The following ZNFX1 variants were observed in gnomAD, a reference collection of about 807,000 sequenced individuals.
ZNFX1 encodes the protein zinc finger NFX1-type containing 1.
ZNFX1 carries 78 observed loss-of-function variants against 179.8 expected under a neutral mutation model. The observed-to-expected ratio is 0.43, with a 90% confidence interval of 0.36 to 0.52. The LOEUF (loss-of-function observed/expected upper bound fraction) is 0.52. Ranked by LOEUF, ZNFX1 falls within the 20% of genes least tolerant of loss-of-function variation. The pLI, the probability that ZNFX1 is intolerant of heterozygous loss-of-function variation, is 0.00. For missense variants in ZNFX1, 1,927 were observed against 2,386.6 expected (o/e 0.81, Z 4.01); for synonymous variants, 848 against 868.5 (o/e 0.98, Z 0.42).
chr20:49,270,950 C>T lies in ZNFX1; in HGVS notation c.862G>A (p.Glu288Lys). The T allele has an allele frequency of 6.2e-7, 1 of 1,614,116 alleles. No homozygotes were observed. Among genetic ancestry groups the T allele is most frequent in the Non-Finnish European group, 8.5e-7 (1 of 1,180,018 alleles). The change falls in exon 3 of 14, where the codon GAA becomes AAA. Residue 288 changes from glutamate (E) to lysine (K), a missense_variant. Coordinates refer to ENST00000396105, the MANE Select transcript of ZNFX1 (RefSeq NM_021035.3). This position sits in a 1 kb window ranked among gnomAD's most constrained non-coding sequence, Gnocchi z 4.6. ...NALRASGVDI[E>K]EETEKNLEKV... ...TCCAGGTTCTTCTCCGTTTCCTCTTCTATGTCAACACCAGAGGCTCTCAGA... is the reference window on the plus strand; with the variant it reads ...TCCAGGTTCTTCTCCGTTTCCTCTTTTATGTCAACACCAGAGGCTCTCAGA...
intron 2 of ZNFX1, among the ~76,000 whole-genome samples, chr20:49,273,802 C>T (rs941624282): frequency 2.0e-5 from 3 of 152,074 alleles, no homozygotes; most frequent in South Asian, 2.1e-4. Flanking sequence ...TGATGGTGCA[C>T]GCTTGTGGTC....
In ZNFX1 at chr20:49,270,071, T is replaced by G. The variant is rs757975850; in HGVS notation, c.1741A>C (p.Arg581=). The G allele has an allele frequency of 6.2e-7, 1 of 1,614,244 alleles. No homozygotes were observed. Among genetic ancestry groups the G allele is most frequent in the East Asian group, 2.2e-5 (1 of 44,890 alleles). ...LRNVEGLRHP[R]INVLDPGQWP... is the part of the protein sequence containing the mutation. ...TGGCCAGGATCTAAGACATTAATTC[T>G]GGGATGTCTCAAACCCTCGACATTT... is the stretch of plus-strand genomic sequence containing the variant. The change falls in exon 3 of 14, where the codon AGA becomes CGA. Residue 581 remains arginine (R), a synonymous_variant. Transcript: ENST00000396105. The surrounding 1 kb of genome is among the most constrained non-coding windows in gnomAD (Gnocchi z 4.6).
rs1980789012 is a variant in ZNFX1 at position 49,249,675 on chromosome 20, A to G, written c.3349T>C (p.Phe1117Leu). Residue 1117 changes from phenylalanine to leucine, a missense_variant, in exon 14 of 14, where the codon TTT becomes CTT. Phe to Leu is a conservative substitution (Grantham distance 22). Coordinates refer to ENST00000396105, the MANE Select transcript of ZNFX1 (RefSeq NM_021035.3). Reference protein sequence around the residue: ...SSNLFFVEHNFPEQEIQEGKS... With the variant: ...SSNLFFVEHNLPEQEIQEGKS... ...CCCTCTTGGATTTCCTGTTCAGGAA[A>G]GTTGTGTTCTACAAAGAAAAGGTTG... is the stretch of plus-strand genomic sequence containing the variant. 1 of 1,613,596 alleles carries G rather than the reference A, an allele frequency of 6.2e-7. No individual in the cohort carries two copies. Among genetic ancestry groups the G allele is most frequent in the Non-Finnish European group, 8.5e-7 (1 of 1,179,650 alleles).
intron 6 of ZNFX1, among the ~76,000 whole-genome samples, chr20:49,260,914 T>C (rs900508039): frequency 6.6e-6 from 1 of 152,042 alleles, no homozygotes; most frequent in Non-Finnish European, 1.5e-5. Flanking sequence ...AACCCTGTCT[T>C]TATTAAAACT....
intron 3 of ZNFX1, among the ~76,000 whole-genome samples, chr20:49,268,500 C>T (rs1170494010): frequency 6.6e-6 from 1 of 152,034 alleles, no homozygotes; most frequent in African/African-American, 2.4e-5. Context: ...TCTATTGCAA[C>T]AAAACCAAAA....
At chr20:49,266,043 C>G (rs1981225473) in intron 4 of ZNFX1, 92 bp downstream of exon 4, 2 of 1,453,784 alleles carry the variant, frequency 1.4e-6, no homozygotes, top group Non-Finnish European at 1.9e-6. Context: ...GGACTGTTGA[C>G]TTTGTTTGAA....
chr20:49,269,144 G>A (rs1364900080), intron 3 of ZNFX1, among the ~76,000 whole-genome samples: 1 of 152,142 alleles, frequency 6.6e-6, no homozygotes, highest in Non-Finnish European at 1.5e-5. Context: ...AAGAAAATGT[G>A]GCATATATAC....
chr20:49,259,597 C>T (rs1368714747), intron 7 of ZNFX1, among the ~76,000 whole-genome samples: 1 of 146,806 alleles, frequency 6.8e-6, no homozygotes, highest in Non-Finnish European at 1.5e-5. Flanking sequence ...AAACTTTTTC[C>T]TTTTTTTTTT....
In ZNFX1 at chr20:49,247,079, G is replaced by A; in HGVS notation, c.*188C>T. 1 of 682,448 alleles carries A rather than the reference G, an allele frequency of 1.5e-6. No homozygotes were observed. The highest frequency in any genetic ancestry group is 2.4e-6 in the Non-Finnish European group (1 of 417,262). The allele number at this position is 682,448 out of a possible 1,614,324, so 42.3% of individuals were successfully genotyped here. ...AGACGGGGTTTCGCCATGTTGGTCA[G>A]GCTGGTCTCGAACTCCTGACCTCGT... On this transcript the variant is annotated 3_prime_UTR_variant, in exon 14 of 14. Coordinates refer to ENST00000396105, the MANE Select transcript of ZNFX1 (RefSeq NM_021035.3).
intron 7 of ZNFX1, among the ~76,000 whole-genome samples, 198 bp downstream of exon 7, chr20:49,260,265 G>A (rs1981080970): frequency 6.7e-6 from 1 of 148,430 alleles, no homozygotes; most frequent in African/African-American, 2.5e-5. Flanking sequence ...CTCCAGCCTG[G>A]GCAACAAGAG....
chr20:49,274,452 T>C (rs776159058), intron 2 of ZNFX1, among the ~76,000 whole-genome samples: 1 of 152,232 alleles, frequency 6.6e-6, no homozygotes, highest in Non-Finnish European at 1.5e-5. Flanking sequence ...TAAATTGTCA[T>C]CAAATTGAAA....
chr20:49,253,985 G>C (rs1568982522), intron 10 of ZNFX1, among the ~76,000 whole-genome samples, 174 bp from the exon 11 acceptor site: 1 of 151,872 alleles, frequency 6.6e-6, no homozygotes, highest in South Asian at 2.1e-4. Context: ...GGTCACTGTT[G>C]GAGTTTCAAA....
chr20:49,271,132 C>A lies in ZNFX1; in HGVS notation c.680G>T (p.Gly227Val), dbSNP rs764457529. The change falls in exon 3 of 14, where the codon GGG becomes GTG. Residue 227 changes from glycine (G) to valine (V), a missense_variant. By Grantham distance (109) the Gly-to-Val change is moderately radical. Transcript: ENST00000396105. ...GTCAGGGATGGGTTCAGTGATCATCCCTACCACATAAGCAGGCAGGCAGAC... is the reference window on the plus strand; with the variant it reads ...GTCAGGGATGGGTTCAGTGATCATCACTACCACATAAGCAGGCAGGCAGAC... ...LKVCLPAYVV[G>V]MITEPIPDIR... The A allele has an allele frequency of 6.2e-7, 1 of 1,614,076 alleles. No individual in the cohort carries two copies. The highest frequency in any genetic ancestry group is 1.7e-5 in the Admixed American group (1 of 60,000).
chr20:49,266,516 A>G (rs1282574835), intron 3 of ZNFX1, among the ~76,000 whole-genome samples: 2 of 152,166 alleles, frequency 1.3e-5, no homozygotes, highest in East Asian at 3.8e-4. Context: ...TACAAACAAT[A>G]CAAATGTGTA....
At chr20:49,263,276 G>C (rs1036237690) in intron 6 of ZNFX1, 58 bp downstream of exon 6, 1 of 1,579,742 alleles carries the variant, frequency 6.3e-7, no homozygotes, top group Non-Finnish European at 8.6e-7. Flanking sequence ...TTCTCCTGGA[G>C]GCTACCTCAA....
In ZNFX1 at chr20:49,248,947, T is replaced by C; in HGVS notation, c.4077A>G (p.Gln1359=). ...PKTIPRCGHE[Q]MVPCSVPESD... ...ACTCAGGCACGGAACAAGGGACCAT[T>C]TGTTCATGGCCGCACCGAGGAATGG... Residue 1359 remains glutamine (Q), a synonymous_variant, in exon 14 of 14, where the codon CAA becomes CAG. Coordinates refer to ENST00000396105, the MANE Select transcript of ZNFX1 (RefSeq NM_021035.3). The surrounding 1 kb of genome is among the most constrained non-coding windows in gnomAD (Gnocchi z 4.6). 6.2e-7 allele frequency: 1 copy of C among 1,614,188 alleles called. No homozygotes were observed. The highest frequency in any genetic ancestry group is 1.3e-5 in the African/African-American group (1 of 75,050).
rs756288648 is a variant in ZNFX1 at position 49,249,759 on chromosome 20, T to G, written c.3313-48A>C. On this transcript the variant is annotated intron_variant, in intron 13 of 13. Coordinates refer to ENST00000396105, the MANE Select transcript of ZNFX1 (RefSeq NM_021035.3). ...TGTTAAAAGGTTCACTCATGGCACT[T>G]GTTTTTTTCTTCCTCTCTTGACATG... 6.4e-6 allele frequency: 10 copies of G among 1,556,274 alleles called. No homozygotes were observed. In the Admixed American group the frequency reaches 1.9e-4, roughly 30 times the overall value.
intron 11 of ZNFX1, 103 bp from the exon 12 acceptor site, chr20:49,252,933 C>G: frequency 1.2e-6 from 1 of 869,174 alleles, no homozygotes. Flanking sequence ...CAAGTGTTGA[C>G]TATGTGCCAG....
chr20:49,248,557 G>C lies in ZNFX1; in HGVS notation c.4467C>G (p.Thr1489=). 2 of 1,614,220 alleles carry C rather than the reference G, an allele frequency of 1.2e-6. No individual in the cohort carries two copies. The highest frequency in any genetic ancestry group is 1.7e-6 in the Non-Finnish European group (2 of 1,180,050). ...GGCTGTGGACACAGCGGTTCTGACAGGTCCGCTGGCAGGGTGGGCACTCAC... is the reference window on the plus strand; with the variant it reads ...GGCTGTGGACACAGCGGTTCTGACACGTCCGCTGGCAGGGTGGGCACTCAC... ...CIGECPPCQR[T]CQNRCVHSQC... Residue 1489 remains threonine (T), a synonymous_variant, in exon 14 of 14, where the codon ACC becomes ACG. Transcript: ENST00000396105. This position sits in a 1 kb window ranked among gnomAD's most constrained non-coding sequence, Gnocchi z 4.6.
Sources: allele counts gnomAD v4.1 joint callset (sites outside exome capture counted in the v4.1 genomes callset), GRCh38; gene constraint gnomAD v4.1.1; non-coding constraint Gnocchi (gnomAD v3.1); transcripts MANE v1.5; gene names NCBI Gene and HGNC (gene_info 2026-07-23, HGNC 2026-07-21).